ARHGEF28: variants seen among roughly 807,000 people sequenced by gnomAD.
ARHGEF28 encodes the protein Rho guanine nucleotide exchange factor 28.
A neutral mutation model predicts 206.6 loss-of-function variants in ARHGEF28; 152 were observed. The observed-to-expected ratio is 0.74, with a 90% CI of 0.64 to 0.84. The LOEUF (loss-of-function observed/expected upper bound fraction) is 0.84. Among genes scored for constraint, ARHGEF28 ranks in the 40% least tolerant of loss-of-function variants. ARHGEF28 has a pLI of 0.00. For missense variants in ARHGEF28, 2,028 were observed against 2,073.2 expected (o/e 0.98, Z 0.42); for synonymous variants, 763 against 776.4 (o/e 0.98, Z 0.29).
chr5:73,757,412 G>C (rs1752374675), intron 4 of ARHGEF28, among the ~76,000 whole-genome samples: 1 of 152,108 alleles, frequency 6.6e-6, no homozygotes. Flanking sequence ...CTTACCGAAG[G>C]AGTATTCATT....
chr5:73,878,857 A>AT (rs909705786), intron 22 of ARHGEF28, among the ~76,000 whole-genome samples: 31 of 151,048 alleles, frequency 2.1e-4, no homozygotes, highest in African/African-American at 7.5e-4. Context: ...TGCCCTTAAC[A>AT]TTTTTTCCTT....
chr5:73,877,830 C>T (rs990396884), intron 22 of ARHGEF28, among the ~76,000 whole-genome samples: 2 of 152,216 alleles, frequency 1.3e-5, no homozygotes, highest in East Asian at 1.9e-4. Context: ...CTGAGGAGAG[C>T]TTTACTTCCA....
At chr5:73,878,370 C>T (rs1323411568) in intron 22 of ARHGEF28, among the ~76,000 whole-genome samples, 1 of 151,780 alleles carries the variant, frequency 6.6e-6, no homozygotes, top group African/African-American at 2.4e-5. Flanking sequence ...AGTCTTGACT[C>T]TTTATCCAAT....
chr5:73,725,730 G>A (rs1449676928), intron 2 of ARHGEF28, among the ~76,000 whole-genome samples: 2 of 152,068 alleles, frequency 1.3e-5, no homozygotes, highest in Admixed American at 1.3e-4. Flanking sequence ...CTTGGGGTGT[G>A]GTGTAATTCA....
chr5:73,826,378 T>C (rs1384389778), intron 9 of ARHGEF28, among the ~76,000 whole-genome samples: 1 of 152,186 alleles, frequency 6.6e-6, no homozygotes, highest in Non-Finnish European at 1.5e-5. Flanking sequence ...ATACAATGAA[T>C]GAATGAAACC....
At chr5:73,796,716 C>T (rs76135276) in intron 9 of ARHGEF28, among the ~76,000 whole-genome samples, 3,055 of 152,250 alleles carry the variant, frequency 0.02, 103 homozygotes, top group African/African-American at 0.067. Context: ...GCAATATACA[C>T]GTCCTTAATA....
chr5:73,900,187 A>G (rs1762180019), intron 30 of ARHGEF28: 1 of 152,236 alleles, frequency 6.6e-6, no homozygotes, highest in African/African-American at 2.4e-5. Flanking sequence ...GAGGACTCTC[A>G]TTTTCCAAAG....
At chr5:73,791,239 G>C (rs929788880) in intron 7 of ARHGEF28, among the ~76,000 whole-genome samples, 1 of 152,212 alleles carries the variant, frequency 6.6e-6, no homozygotes, top group African/African-American at 2.4e-5. Flanking sequence ...TCTGGTCCCA[G>C]CTCTCCCAGA....
chr5:73,893,115 C>A, intron 27 of ARHGEF28, 82 bp from the exon 28 acceptor site: 2 of 1,162,102 alleles, frequency 1.7e-6, no homozygotes, highest in Non-Finnish European at 1.2e-6. Context: ...AAATCTATTG[C>A]CAAGTTCCCA....
At chr5:73,752,761 G>A in intron 3 of ARHGEF28, 148 bp from the exon 4 acceptor site, 1 of 840,780 alleles carries the variant, frequency 1.2e-6, no homozygotes, top group Non-Finnish European at 1.9e-6. Context: ...TTGGCAGTGT[G>A]TAAGGGTAAT....
intron 9 of ARHGEF28, among the ~76,000 whole-genome samples, chr5:73,811,018 A>G (rs1013974672): frequency 2.6e-5 from 4 of 152,344 alleles, no homozygotes; most frequent in Admixed American, 6.5e-5. Flanking sequence ...GCAAGGAGCT[A>G]CAAAACCCAC....
At chr5:73,630,093 TA>T (rs1303029173) in intron 1 of ARHGEF28, among the ~76,000 whole-genome samples, 1 of 152,198 alleles carries the variant, frequency 6.6e-6, no homozygotes, top group Non-Finnish European at 1.5e-5. Flanking sequence ...ATTGTGCCTT[TA>T]AAAAATATAC....
intron 7 of ARHGEF28, among the ~76,000 whole-genome samples, chr5:73,782,132 T>TAAAAA (rs35157852): frequency 4.2e-5 from 6 of 143,232 alleles, no homozygotes; most frequent in East Asian, 2.0e-4. Flanking sequence ...GCATGTTTGT[T>TAAAAA]AAAAAAAAAA....
chr5:73,785,737 T>C (rs1238266254), intron 7 of ARHGEF28, among the ~76,000 whole-genome samples: 1 of 152,208 alleles, frequency 6.6e-6, no homozygotes, highest in African/African-American at 2.4e-5. Flanking sequence ...CACTCATTTG[T>C]TACTTTGTTG....
chr5:73,876,563 T>C (rs1383602953), intron 22 of ARHGEF28, among the ~76,000 whole-genome samples: 9 of 147,782 alleles, frequency 6.1e-5, no homozygotes, highest in Admixed American at 6.1e-4. Context: ...GGGTTTGTCA[T>C]AGATAGCTCT....
chr5:73,627,676 A>G (rs1158927614), intron 1 of ARHGEF28, among the ~76,000 whole-genome samples: 2 of 152,252 alleles, frequency 1.3e-5, no homozygotes, highest in African/African-American at 4.8e-5. Flanking sequence ...AATACAACAT[A>G]GTATTTCAAT....
chr5:73,933,568 C>G (rs942092261), intron 35 of ARHGEF28, among the ~76,000 whole-genome samples: 1 of 152,160 alleles, frequency 6.6e-6, no homozygotes, highest in Admixed American at 6.5e-5. Context: ...TAACAGAACC[C>G]TTTATAATAT....
intron 26 of ARHGEF28, among the ~76,000 whole-genome samples, chr5:73,890,014 A>G (rs1488117622): frequency 6.6e-6 from 1 of 152,244 alleles, no homozygotes; most frequent in African/African-American, 2.4e-5. Flanking sequence ...CACAAATAAA[A>G]CATCTCTGCA....
chr5:73,871,961 T>TA (rs1760132327), intron 21 of ARHGEF28, among the ~76,000 whole-genome samples: 1 of 152,172 alleles, frequency 6.6e-6, no homozygotes, highest in African/African-American at 2.4e-5. Flanking sequence ...ATGATGAATA[T>TA]CCTATTTTGT....
Sources: gnomAD v4.1 joint callset for allele counts (sites outside exome capture counted in the v4.1 genomes callset) on GRCh38, gnomAD v4.1.1 for gene constraint, MANE v1.5 for transcripts, NCBI Gene and HGNC (gene_info 2026-07-23, HGNC 2026-07-21) for gene names.